The following CADM2 variants were observed in gnomAD, a reference collection of about 807,000 sequenced individuals.
CADM2 encodes the protein immunoglobulin superfamily member 4D.
CADM2 carries 12 observed loss-of-function variants against 49.8 expected under a neutral mutation model. The ratio of observed to expected loss-of-function variants is 0.24; its 90% confidence interval spans 0.15 to 0.39. CADM2 has a LOEUF of 0.39. Among genes scored for constraint, CADM2 ranks in the 10% least tolerant of loss-of-function variants. CADM2 has a pLI of 1.00. For synonymous variants in CADM2, 214 were observed against 175.4 expected, an observed-to-expected ratio of 1.22 and a Z score of -1.74; for missense variants, 378 against 492.3, an observed-to-expected ratio of 0.77 and a Z score of 2.20.
intron 2 of CADM2, among the ~76,000 whole-genome samples, chr3:85,756,403 A>T (rs2069124164): frequency 6.6e-6 from 1 of 152,200 alleles, no homozygotes; most frequent in Admixed American, 6.6e-5. Context: ...CCAGATCCTT[A>T]TCTACATATA....
At chr3:85,732,282 T>C (rs752822442) in intron 2 of CADM2, among the ~76,000 whole-genome samples, 5 of 151,298 alleles carry the variant, frequency 3.3e-5, no homozygotes, top group Non-Finnish European at 7.4e-5. Context: ...AAAAAAAGTG[T>C]AAGACACAAT....
At chr3:85,897,243 T>TAGTAATAGTCTCTGGCCATATAACTCGA (rs1260486340) in intron 5 of CADM2, among the ~76,000 whole-genome samples, 1 of 31,056 alleles carries the variant, frequency 3.2e-5, no homozygotes, top group African/African-American at 3.3e-4. Flanking sequence ...ACCTACATCT[T>TAGTAATAGTCTCTGGCCATATAACTCGA]TTTTTTTTTT....
chr3:85,104,054 A>T (rs948191359), intron 1 of CADM2, among the ~76,000 whole-genome samples: 2 of 152,136 alleles, frequency 1.3e-5, no homozygotes, highest in African/African-American at 4.8e-5. Flanking sequence ...TAGTTTAATT[A>T]GATCCCATTT....
At chr3:85,896,955 T>G (rs1010347051) in intron 5 of CADM2, among the ~76,000 whole-genome samples, 5 of 152,168 alleles carry the variant, frequency 3.3e-5, no homozygotes, top group African/African-American at 1.2e-4. Flanking sequence ...AATTCCTGGT[T>G]GTCAGGCCTA....
intron 1 of CADM2, among the ~76,000 whole-genome samples, chr3:85,187,948 TA>T (rs2041104148): frequency 6.6e-6 from 1 of 152,136 alleles, no homozygotes; most frequent in Non-Finnish European, 1.5e-5. Flanking sequence ...TATAAGTCAA[TA>T]AAATTATAAT....
At chr3:85,528,035 A>T (rs2061209646) in intron 1 of CADM2, among the ~76,000 whole-genome samples, 1 of 152,198 alleles carries the variant, frequency 6.6e-6, no homozygotes, top group African/African-American at 2.4e-5. Flanking sequence ...TGTGTCTTCC[A>T]TCTGCACTTA....
chr3:85,464,912 G>C (rs953874766), intron 1 of CADM2, among the ~76,000 whole-genome samples: 1 of 152,272 alleles, frequency 6.6e-6, no homozygotes, highest in East Asian at 1.9e-4. Flanking sequence ...CACTTTGGGA[G>C]GCCGAGGTGG....
At chr3:85,474,679 T>C (rs1198100337) in intron 1 of CADM2, among the ~76,000 whole-genome samples, 1 of 151,992 alleles carries the variant, frequency 6.6e-6, no homozygotes, top group African/African-American at 2.4e-5. Context: ...GAATAAAATT[T>C]AAAACCTTGA....
At chr3:85,101,513 A>G (rs529757462) in intron 1 of CADM2, among the ~76,000 whole-genome samples, 6 of 152,284 alleles carry the variant, frequency 3.9e-5, no homozygotes, top group Non-Finnish European at 8.8e-5. Context: ...ATTCCTTAGC[A>G]TTTTAATATC....
intron 1 of CADM2, among the ~76,000 whole-genome samples, chr3:85,512,251 A>G (rs1576688567): frequency 6.6e-6 from 1 of 152,152 alleles, no homozygotes; most frequent in East Asian, 1.9e-4. Flanking sequence ...CCCACTTATA[A>G]GTGAGAACAG....
chr3:85,012,883 T>A (rs1309527960), intron 1 of CADM2, among the ~76,000 whole-genome samples: 2 of 151,778 alleles, frequency 1.3e-5, no homozygotes, highest in East Asian at 3.8e-4. Flanking sequence ...AGTACCAGGA[T>A]TCATTTATTT....
chr3:85,412,807 T>C (rs1310036023), intron 1 of CADM2, among the ~76,000 whole-genome samples: 1 of 152,154 alleles, frequency 6.6e-6, no homozygotes, highest in African/African-American at 2.4e-5. Flanking sequence ...CAATTATGTA[T>C]AATTTGAAAA....
intron 1 of CADM2, among the ~76,000 whole-genome samples, chr3:85,074,307 A>G (rs2036862842): frequency 6.6e-6 from 1 of 152,076 alleles, no homozygotes; most frequent in Non-Finnish European, 1.5e-5. Context: ...AATCTTTGCT[A>G]AAATCTCAAC....
chr3:85,461,470 T>A (rs767212136), intron 1 of CADM2, among the ~76,000 whole-genome samples: 4 of 152,214 alleles, frequency 2.6e-5, no homozygotes, highest in African/African-American at 4.8e-5. Context: ...TATTTTAGTT[T>A]ACTTAGGAAA....
chr3:85,072,441 A>C (rs1038602269), intron 1 of CADM2, among the ~76,000 whole-genome samples: 1 of 152,094 alleles, frequency 6.6e-6, no homozygotes, highest in Admixed American at 6.5e-5. Flanking sequence ...ATGGCTGTTC[A>C]ATTAGGGTGT....
At chr3:85,019,354 A>C (rs1401850517) in intron 1 of CADM2, among the ~76,000 whole-genome samples, 1 of 152,114 alleles carries the variant, frequency 6.6e-6, no homozygotes, top group Non-Finnish European at 1.5e-5. Flanking sequence ...GTGGTGGTGC[A>C]TGCCTGTTGT....
chr3:85,172,998 T>C lies in CADM2; in HGVS notation c.61+213330T>C, dbSNP rs1447482516. ...CCCAATTTCTGAAATATCTAATACC[T>C]TTTTTTTTTTTTCTGAGATGGAGTC... is the stretch of plus-strand genomic sequence containing the variant. On this transcript the variant is annotated intron_variant, in intron 1 of 9. Coordinates refer to ENST00000383699, the MANE Select transcript of CADM2 (RefSeq NM_001167675.2). Among the ~76,000 whole-genome samples, 9 of 136,066 alleles carry C rather than the reference T, an allele frequency of 6.6e-5. No homozygotes were observed. The East Asian group carries it at 1.6e-3, about 24-fold the overall frequency. 89.3% of individuals were successfully genotyped at this position (136,066 alleles called of 152,430 possible). A position where few individuals can be genotyped will look rare whatever the true frequency, so the allele number is the denominator to read the frequency against.
chr3:86,039,833 C>A (rs911588884), intron 8 of CADM2, among the ~76,000 whole-genome samples: 23 of 151,568 alleles, frequency 1.5e-4, no homozygotes, highest in Admixed American at 1.3e-3. Flanking sequence ...AGGCACCCCC[C>A]AGTAGGGGCA....
intron 8 of CADM2, among the ~76,000 whole-genome samples, chr3:86,028,728 C>T (rs1478152427): frequency 2.0e-5 from 3 of 152,266 alleles, no homozygotes; most frequent in African/African-American, 2.4e-5. Flanking sequence ...CCTGACATGG[C>T]TGGATTACAA....
Sources: allele counts gnomAD v4.1 joint callset (sites outside exome capture counted in the v4.1 genomes callset), GRCh38; gene constraint gnomAD v4.1.1; transcripts MANE v1.5; gene names NCBI Gene and HGNC (gene_info 2026-07-23, HGNC 2026-07-21).